CAST: variants seen among roughly 807,000 people sequenced by gnomAD.
CAST encodes calpastatin, also known as MIR583 host.
A neutral mutation model predicts 119.6 loss-of-function variants in CAST; 76 were observed. The ratio of observed to expected loss-of-function variants is 0.64; its 90% CI spans 0.53 to 0.77. The LOEUF (loss-of-function observed/expected upper bound fraction) is 0.77, where lower values mean the gene tolerates loss of function less well. Among genes scored for constraint, CAST ranks in the 30% least tolerant of loss-of-function variants. The pLI is 0.00. For synonymous variants in CAST, 319 were observed against 331.6 expected (o/e 0.96, Z 0.41); for missense variants, 953 against 946.5 (o/e 1.01, Z -0.09).
At chr5:96,739,473 CA>C (rs1762267884) in intron 11 of CAST, among the ~76,000 whole-genome samples, 1 of 152,040 alleles carries the variant, frequency 6.6e-6, no homozygotes. Flanking sequence ...AATATGATAC[CA>C]TTTATATAAC....
the CAST span, among the ~76,000 whole-genome samples, chr5:96,127,432 T>A: frequency 6.0e-4 from 91 of 152,256 alleles, no homozygotes; most frequent in East Asian, 0.014. Flanking sequence ...GCTAATATCC[T>A]CAAGTGTTAC....
the CAST span, among the ~76,000 whole-genome samples, chr5:96,333,516 C>T: frequency 5.9e-5 from 9 of 152,052 alleles, no homozygotes; most frequent in Admixed American, 1.3e-4. Flanking sequence ...CTTGGTCTTC[C>T]CGACTGAAAC....
At chr5:96,002,725 T>C in the CAST span, among the ~76,000 whole-genome samples, 4 of 152,192 alleles carry the variant, frequency 2.6e-5, no homozygotes, top group Non-Finnish European at 5.9e-5. Context: ...CCTACTACAT[T>C]GGATAAGGCG....
At chr5:96,628,355 A>C (rs1747763154) in intron 1 of CAST, among the ~76,000 whole-genome samples, 1 of 152,244 alleles carries the variant, frequency 6.6e-6, no homozygotes, top group Non-Finnish European at 1.5e-5. Context: ...TAATGAGTTC[A>C]ACTCTTCTAT....
chr5:96,288,241 A>G, the CAST span, among the ~76,000 whole-genome samples: 2 of 152,310 alleles, frequency 1.3e-5, no homozygotes. Context: ...CTACATAGAC[A>G]CGGGGACTGT....
chr5:96,542,974 G>A (rs1745940832), intron 1 of CAST, among the ~76,000 whole-genome samples: 1 of 152,192 alleles, frequency 6.6e-6, no homozygotes, highest in Admixed American at 6.5e-5. Flanking sequence ...AGACAGTATG[G>A]TGATTCCTCA....
the CAST span, among the ~76,000 whole-genome samples, chr5:96,401,085 T>TAAA: frequency 8.2e-5 from 1 of 12,206 alleles, no homozygotes. Flanking sequence ...GGACTCCGTC[T>TAAA]CAAAAAAAAA....
At chr5:96,211,848 A>G in the CAST span, among the ~76,000 whole-genome samples, 1 of 152,056 alleles carries the variant, frequency 6.6e-6, no homozygotes, top group Admixed American at 6.6e-5. Flanking sequence ...TTCGTTCTGA[A>G]TTAGTTGTTG....
chr5:96,092,574 A>G, the CAST span, among the ~76,000 whole-genome samples: 9 of 152,322 alleles, frequency 5.9e-5, no homozygotes, highest in East Asian at 1.7e-3. Context: ...TTTAAAATAT[A>G]CATGATAACT....
At chr5:96,242,969 T>A in the CAST span, among the ~76,000 whole-genome samples, 1 of 152,180 alleles carries the variant, frequency 6.6e-6, no homozygotes, top group Non-Finnish European at 1.5e-5. Flanking sequence ...ATACATCAAA[T>A]GGCAATAATG....
intron 3 of CAST, among the ~76,000 whole-genome samples, chr5:96,708,353 C>A (rs1234705775): frequency 1.3e-5 from 2 of 152,196 alleles, no homozygotes; most frequent in Admixed American, 1.3e-4. Flanking sequence ...TCAGATCTAT[C>A]TTGCAGTCGC....
intron 1 of CAST, among the ~76,000 whole-genome samples, chr5:96,634,647 T>C (rs1458585243): frequency 1.3e-5 from 2 of 152,226 alleles, no homozygotes; most frequent in Non-Finnish European, 2.9e-5. Flanking sequence ...AATCATCAGA[T>C]AGTGTTGCCT....
At chr5:96,425,052 GAAAGAAAGAAAGAAAGAAAGA>G in the CAST span, among the ~76,000 whole-genome samples, 1 of 119,252 alleles carries the variant, frequency 8.4e-6, no homozygotes, top group Non-Finnish European at 1.9e-5. Flanking sequence ...AAGAAAGAAA[GAAAGAAAGAAAGAAAGAAAGA>G]AAACGTAGGG....
At chr5:96,284,231 G>T in the CAST span, among the ~76,000 whole-genome samples, 1 of 152,200 alleles carries the variant, frequency 6.6e-6, no homozygotes, top group Admixed American at 6.5e-5. Context: ...AGATCAATTT[G>T]TGCCTCTCAG....
chr5:96,248,987 G>A, the CAST span, among the ~76,000 whole-genome samples: 2 of 152,172 alleles, frequency 1.3e-5, no homozygotes, highest in Admixed American at 1.3e-4. Context: ...ACCTTCTGAA[G>A]GTACTTATAG....
intron 1 of CAST, among the ~76,000 whole-genome samples, chr5:96,604,518 A>T (rs1580842509): frequency 6.6e-6 from 1 of 152,348 alleles, no homozygotes; most frequent in East Asian, 1.9e-4. Context: ...GGTCAGTGAG[A>T]CCAGCATAAT....
intron 1 of CAST, among the ~76,000 whole-genome samples, chr5:96,627,795 G>A (rs1308009846): frequency 6.6e-6 from 1 of 152,216 alleles, no homozygotes; most frequent in Non-Finnish European, 1.5e-5. Flanking sequence ...GGAAACTACT[G>A]GAAGGCATTA....
chr5:96,612,652 T>C (rs1580845383), intron 1 of CAST, among the ~76,000 whole-genome samples: 1 of 152,220 alleles, frequency 6.6e-6, no homozygotes, highest in Non-Finnish European at 1.5e-5. Flanking sequence ...CGTTTTAATC[T>C]AATCAAATAT....
At chr5:96,735,149 T>G (rs531950583) in intron 9 of CAST, among the ~76,000 whole-genome samples, 2 of 152,366 alleles carry the variant, frequency 1.3e-5, no homozygotes, top group East Asian at 3.9e-4. Context: ...ATTTAGCACT[T>G]ACAATTACAT....
Sources: allele counts gnomAD v4.1 joint callset (sites outside exome capture counted in the v4.1 genomes callset), GRCh38; gene constraint gnomAD v4.1.1; transcripts MANE v1.5; gene names NCBI Gene and HGNC (gene_info 2026-07-23, HGNC 2026-07-21).